Variants in IARS1 observed in about 807,000 individuals in gnomAD.
IARS1 encodes isoleucyl-tRNA synthetase 1.
In IARS1, 124 loss-of-function variants were observed where a neutral mutation model predicts 168.2. The ratio of observed to expected loss-of-function variants is 0.74; its 90% CI spans 0.64 to 0.86. The LOEUF (loss-of-function observed/expected upper bound fraction) is 0.86. Ranked by LOEUF, IARS1 falls within the 40% of genes least tolerant of loss-of-function variation. The pLI, the probability that IARS1 is intolerant of heterozygous loss-of-function variation, is 0.00. For missense variants in IARS1, 1,452 were observed against 1,515.8 expected, an observed-to-expected ratio of 0.96 and a Z score of 0.70; for synonymous variants, 532 against 529.4, an observed-to-expected ratio of 1.00 and a Z score of -0.07.
intron 1 of IARS1, 130 bp from the exon 2 acceptor site, chr9:92,289,556 T>C (rs1212882361): frequency 1.6e-6 from 1 of 616,144 alleles, no homozygotes; most frequent in Non-Finnish European, 2.9e-6. Flanking sequence ...GATGTACAAT[T>C]TACATAGTGT....
chr9:92,213,848 G>C (rs1453219085), intron 33 of IARS1, among the ~76,000 whole-genome samples: 1 of 151,978 alleles, frequency 6.6e-6, no homozygotes, highest in Non-Finnish European at 1.5e-5. Flanking sequence ...TTTAACTCTT[G>C]TCGCCCAGGC....
At chr9:92,233,028 C>A (rs1826954113) in intron 30 of IARS1, among the ~76,000 whole-genome samples, 1 of 152,184 alleles carries the variant, frequency 6.6e-6, no homozygotes. Context: ...ACTTTGGGAG[C>A]TTTCAGAGGC....
intron 14 of IARS1, among the ~76,000 whole-genome samples, chr9:92,266,913 G>A (rs1260828705): frequency 2.0e-5 from 3 of 152,102 alleles, no homozygotes; most frequent in African/African-American, 7.2e-5. Context: ...CCAGCCTCAG[G>A]TATTCCTTTG....
intron 10 of IARS1, among the ~76,000 whole-genome samples, chr9:92,272,761 G>T (rs1218246574): frequency 6.6e-6 from 1 of 150,804 alleles, no homozygotes; most frequent in Admixed American, 6.7e-5. Flanking sequence ...TGAGGCAGGA[G>T]AATCGCTTGA....
At chr9:92,288,319 A>C in intron 2 of IARS1, 37 bp from the exon 3 acceptor site, 1 of 1,602,470 alleles carries the variant, frequency 6.2e-7, no homozygotes, top group Non-Finnish European at 8.5e-7. Flanking sequence ...CCATTTAAAA[A>C]CAGCCAAAAT....
chr9:92,282,720 T>G (rs1269998615), intron 6 of IARS1, among the ~76,000 whole-genome samples: 10 of 152,046 alleles, frequency 6.6e-5, no homozygotes, highest in Admixed American at 3.3e-4. Flanking sequence ...CAGTGAGCTG[T>G]GTTTGCACCA....
At chr9:92,211,143 G>T (rs1837678986) in intron 33 of IARS1, among the ~76,000 whole-genome samples, 1 of 152,154 alleles carries the variant, frequency 6.6e-6, no homozygotes, top group South Asian at 2.1e-4. Flanking sequence ...TGCTGGCCAG[G>T]ACAGAAAGAC....
rs911573695 is a variant in IARS1, at chr9:92,265,002, C to T, written c.1627G>A (p.Glu543Lys). 1 of 1,614,056 alleles carries T rather than the reference C, an allele frequency of 6.2e-7. No individual in the cohort carries two copies. The highest frequency in any genetic ancestry group is 1.3e-5 in the African/African-American group (1 of 74,948). The change falls in exon 16 of 34, where the codon GAA (glutamate) becomes AAA (lysine). Residue 543 changes from glutamate (E) to lysine (K), a missense_variant. By Grantham distance (56) the Glu-to-Lys change is moderately conservative. Coordinates refer to ENST00000443024, the MANE Select transcript of IARS1 (RefSeq NM_002161.6). ...GCATCCTCAAACTCCCTCTTGTTTT[C>T]AAACGGGTAATGAACCTGAGCATAG... Reference protein sequence around the residue: ...MPYAQVHYPFENKREFEDAFP... With the variant: ...MPYAQVHYPFKNKREFEDAFP...
chr9:92,262,751 A>G (rs1425778705), intron 17 of IARS1, among the ~76,000 whole-genome samples: 1 of 152,242 alleles, frequency 6.6e-6, no homozygotes, highest in Non-Finnish European at 1.5e-5. Flanking sequence ...ATTACTAGTA[A>G]TATCACTAGT....
chr9:92,261,331 A>G (rs1314721212), intron 17 of IARS1, among the ~76,000 whole-genome samples: 4 of 152,054 alleles, frequency 2.6e-5, no homozygotes, highest in Non-Finnish European at 5.9e-5. Context: ...AAAAAAGCCA[A>G]TTCCCCCAAG....
rs1182999953 is a variant in IARS1, at chr9:92,222,591, T to C, written c.3635A>G (p.Tyr1212Cys). Residue 1212 changes from tyrosine (Y) to cysteine (C), a missense_variant, in exon 33 of 34, where the codon TAT becomes TGT. Coordinates refer to ENST00000443024, the MANE Select transcript of IARS1 (RefSeq NM_002161.6). ...QNGLTHQGLL[Y>C]EAAKVFGLRS... ...AAGGCCAAACACCTTGGCTGCTTCATACAGAAGACCTTGGTGGGTGAGTCC... is the reference window on the plus strand; with the variant it reads ...AAGGCCAAACACCTTGGCTGCTTCACACAGAAGACCTTGGTGGGTGAGTCC... The C allele has an allele frequency of 2.5e-6, 4 of 1,614,122 alleles. No homozygotes were observed. The highest frequency in any genetic ancestry group is 1.7e-5 in the Admixed American group (1 of 60,012).
chr9:92,250,325 A>G, intron 23 of IARS1, 36 bp from the exon 24 acceptor site: 1 of 1,317,672 alleles, frequency 7.6e-7, no homozygotes, highest in Non-Finnish European at 1.1e-6. Flanking sequence ...AAGAGTTTAG[A>G]TTTAAGAGGA....
At chr9:92,215,703 G>A (rs1201399509) in intron 33 of IARS1, among the ~76,000 whole-genome samples, 6 of 151,952 alleles carry the variant, frequency 3.9e-5, no homozygotes, top group Non-Finnish European at 7.4e-5. Context: ...GAAATGAAGC[G>A]AGAAGGGAAG....
At chr9:92,267,413 T>C (rs965673520) in intron 14 of IARS1, among the ~76,000 whole-genome samples, 1 of 152,252 alleles carries the variant, frequency 6.6e-6, no homozygotes, top group African/African-American at 2.4e-5. Context: ...CTGTCAGCTT[T>C]GGACAGAAGG....
At chr9:92,213,551 C>T (rs1028626820) in intron 33 of IARS1, among the ~76,000 whole-genome samples, 3 of 152,144 alleles carry the variant, frequency 2.0e-5, no homozygotes, top group Non-Finnish European at 4.4e-5. Context: ...GGATGCCTGG[C>T]GCCACCATAA....
Position 92,223,423 on chromosome 9 carries a change from G to A in IARS1, c.3476C>T (p.Ala1159Val). 6.2e-7 allele frequency: 1 copy of A among 1,613,960 alleles called. No individual in the cohort carries two copies. The highest frequency in any genetic ancestry group is 8.5e-7 in the Non-Finnish European group (1 of 1,179,854). Reference protein sequence around the residue: ...GKTLCVTAGSAPSLINSSSTL... With the variant: ...GKTLCVTAGSVPSLINSSSTL... Reference sequence around the variant, plus strand: ...ACTAGAACTGTTGATCAGAGAGGGAGCCGATCCTGCAGTCACACAAAGTGT... The same window carrying A: ...ACTAGAACTGTTGATCAGAGAGGGAACCGATCCTGCAGTCACACAAAGTGT... The change falls in exon 32 of 34, where the codon GCT (alanine) becomes GTT (valine). Residue 1159 changes from alanine (A) to valine (V), a missense_variant. Physicochemically the swap from Ala to Val is moderately conservative, Grantham distance 64. Transcript: ENST00000443024.
At chr9:92,218,184 T>C (rs1839062259) in intron 33 of IARS1, among the ~76,000 whole-genome samples, 1 of 149,834 alleles carries the variant, frequency 6.7e-6, no homozygotes, top group African/African-American at 2.5e-5. Flanking sequence ...CACATGATTA[T>C]CTCAATAGAT....
intron 30 of IARS1, among the ~76,000 whole-genome samples, chr9:92,236,301 C>G (rs1208371070): frequency 6.6e-6 from 1 of 152,084 alleles, no homozygotes; most frequent in Non-Finnish European, 1.5e-5. Context: ...TTTGTTAATA[C>G]TGTCTTTATC....
chr9:92,214,640 G>A (rs537924987), intron 33 of IARS1, among the ~76,000 whole-genome samples: 20 of 152,262 alleles, frequency 1.3e-4, no homozygotes, highest in Non-Finnish European at 2.2e-4. Flanking sequence ...TTCCCTTTCC[G>A]AGTCAAAGAA....
Sources: gnomAD v4.1 joint callset for allele counts (sites outside exome capture counted in the v4.1 genomes callset) on GRCh38, gnomAD v4.1.1 for gene constraint, MANE v1.5 for transcripts, NCBI Gene and HGNC (gene_info 2026-07-23, HGNC 2026-07-21) for gene names.